STK17A: variants seen among roughly 807,000 people sequenced by gnomAD.
The protein encoded by STK17A is serine/threonine kinase 17a.
In STK17A, 26 loss-of-function variants were observed where a neutral mutation model predicts 43.7. The observed-to-expected ratio is 0.60, with a 90% CI of 0.44 to 0.83. STK17A has a LOEUF of 0.83. Ranked by LOEUF, STK17A falls within the 40% of genes least tolerant of loss-of-function variation. STK17A has a pLI of 0.00. For synonymous variants in STK17A, 191 were observed against 182.5 expected (o/e 1.05, Z -0.38); for missense variants, 476 against 511.6 (o/e 0.93, Z 0.67).
At chr7:43,593,544 T>C (rs1357980604) in intron 1 of STK17A, among the ~76,000 whole-genome samples, 1 of 152,244 alleles carries the variant, frequency 6.6e-6, no homozygotes, top group Non-Finnish European at 1.5e-5. Flanking sequence ...CGCCAACATT[T>C]GTTGTTTTTT....
At chr7:43,599,970 C>T (rs894725158) in intron 2 of STK17A, among the ~76,000 whole-genome samples, 4 of 151,920 alleles carry the variant, frequency 2.6e-5, no homozygotes, top group African/African-American at 4.8e-5. Flanking sequence ...ACCAGCTTGC[C>T]TTCTATATTT....
At chr7:43,583,486 G>T (rs915922996) in intron 1 of STK17A, 37 bp downstream of exon 1, 6 of 1,261,152 alleles carry the variant, frequency 4.8e-6, no homozygotes, top group Non-Finnish European at 6.0e-6. Context: ...AACCTTCCCG[G>T]ACGCGCGGGG....
At chr7:43,584,083 C>A (rs1048771645) in intron 1 of STK17A, among the ~76,000 whole-genome samples, 1 of 152,102 alleles carries the variant, frequency 6.6e-6, no homozygotes, top group Admixed American at 6.5e-5. Flanking sequence ...TTGCTGGGAA[C>A]CGATTCTTGC....
intron 1 of STK17A, among the ~76,000 whole-genome samples, chr7:43,588,931 C>T (rs1281967768): frequency 6.6e-6 from 1 of 151,452 alleles, no homozygotes; most frequent in East Asian, 1.9e-4. Context: ...AAGCTATTCC[C>T]AAATGTAACA....
intron 1 of STK17A, among the ~76,000 whole-genome samples, chr7:43,593,721 T>G (rs547106239): frequency 1.8e-4 from 27 of 152,050 alleles, no homozygotes; most frequent in South Asian, 1.7e-3. Flanking sequence ...ATGAGGTTGT[T>G]TTTTTTTCTC....
Position 43,624,930 on chromosome 7 carries a change from G to GTT in STK17A, c.*88_*89insTT. Reference sequence around the variant, plus strand: ...CTCTGGCCAAATGGTACATGTACTGGAAGTGGATAACCAGTATCACTTACA... The same window carrying GTT: ...CTCTGGCCAAATGGTACATGTACTGGTTAAGTGGATAACCAGTATCACTTACA... On this transcript the variant is annotated 3_prime_UTR_variant, in exon 7 of 7. Transcript: ENST00000319357. 8.5e-7 allele frequency: 1 copy of GTT among 1,179,836 alleles called. No individual in the cohort carries two copies. The highest frequency in any genetic ancestry group is 1.2e-6 in the Non-Finnish European group (1 of 847,312). 73.1% of individuals were successfully genotyped at this position (1,179,836 alleles called of 1,614,324 possible). A position where few individuals can be genotyped will look rare whatever the true frequency, so the allele number is the denominator to read the frequency against.
Position 43,627,016 on chromosome 7 carries a change from C to G in STK17A, c.*2174C>G, listed in dbSNP as rs755184601. ...AATAAAATCTATTAATAACTGCCAG[C>G]TAGCTCTACACTTATCTAAAGCTGT... On this transcript the variant is annotated 3_prime_UTR_variant, in exon 7 of 7. Transcript: ENST00000319357. Among the ~76,000 whole-genome samples, 4 of 152,204 alleles carry G rather than the reference C, an allele frequency of 2.6e-5. No homozygotes were observed. Among genetic ancestry groups the G allele is most frequent in the Admixed American group, 2.6e-4 (4 of 15,280 alleles).
chr7:43,609,073 A>C (rs950712503), intron 3 of STK17A: 3 of 152,268 alleles, frequency 2.0e-5, no homozygotes, highest in Non-Finnish European at 4.4e-5. Context: ...CAAAACAAGG[A>C]AATTTTAGTG....
At chr7:43,615,811 C>T (rs1487596023) in intron 3 of STK17A, among the ~76,000 whole-genome samples, 2 of 152,178 alleles carry the variant, frequency 1.3e-5, no homozygotes, top group Non-Finnish European at 2.9e-5. Flanking sequence ...GGAATGCTTC[C>T]TGCTTACTCC....
intron 2 of STK17A, among the ~76,000 whole-genome samples, chr7:43,600,481 AAAAT>A (rs2082547600): frequency 6.6e-6 from 1 of 152,248 alleles, no homozygotes; most frequent in Non-Finnish European, 1.5e-5. Context: ...TGGTTTAAAA[AAAAT>A]GAACAAGTGA....
chr7:43,589,917 TTTTA>T (rs1363043804), intron 1 of STK17A, among the ~76,000 whole-genome samples: 4 of 145,534 alleles, frequency 2.7e-5, no homozygotes, highest in East Asian at 2.0e-4. Context: ...TTTATTTTAA[TTTTA>T]TTTAATTTTA....
At chr7:43,583,828 G>T (rs1285614209) in intron 1 of STK17A, among the ~76,000 whole-genome samples, 1 of 152,214 alleles carries the variant, frequency 6.6e-6, no homozygotes, top group East Asian at 1.9e-4. Flanking sequence ...AGCCGACTTT[G>T]CATTTTTCCT....
At chr7:43,619,929 A>G (rs1343662945) in intron 4 of STK17A, among the ~76,000 whole-genome samples, 1 of 152,238 alleles carries the variant, frequency 6.6e-6, no homozygotes, top group African/African-American at 2.4e-5. Flanking sequence ...CTATCTCTTC[A>G]CTACAGAGCT....
In STK17A at chr7:43,619,724, G is replaced by A; in HGVS notation, c.691+1G>A. Reference sequence around the variant, plus strand: ...ATTATGGGTACCCCTGAATATGTGGGTAAGTATTCATAAAAGTAGTTTTGT... The same window carrying A: ...ATTATGGGTACCCCTGAATATGTGGATAAGTATTCATAAAAGTAGTTTTGT... On this transcript the variant is annotated splice_donor_variant, in intron 4 of 6. Coordinates refer to ENST00000319357, the MANE Select transcript of STK17A (RefSeq NM_004760.3). LOFTEE classifies it high-confidence loss of function. 2 of 1,613,038 alleles carry A rather than the reference G, an allele frequency of 1.2e-6. No homozygotes were observed. Among genetic ancestry groups the A allele is most frequent in the East Asian group, 2.2e-5 (1 of 44,844 alleles).
chr7:43,616,275 CAGGTTCAT>C (rs2083332987), intron 3 of STK17A, among the ~76,000 whole-genome samples: 1 of 152,158 alleles, frequency 6.6e-6, no homozygotes, highest in South Asian at 2.1e-4. Flanking sequence ...TTGAGCCTGG[CAGGTTCAT>C]CTATTTTCTC....
At chr7:43,615,982 T>TC (rs1452735669) in intron 3 of STK17A, among the ~76,000 whole-genome samples, 1 of 152,178 alleles carries the variant, frequency 6.6e-6, no homozygotes, top group Non-Finnish European at 1.5e-5. Context: ...TGCTTTGAGT[T>TC]CCCCATAGTG....
chr7:43,590,085 A>G (rs1374897147), intron 1 of STK17A, among the ~76,000 whole-genome samples: 1 of 149,822 alleles, frequency 6.7e-6, no homozygotes, highest in African/African-American at 2.4e-5. Context: ...TGCCAGGACC[A>G]CAGGTGCACA....
intron 4 of STK17A, among the ~76,000 whole-genome samples, chr7:43,621,628 G>A (rs923770408): frequency 2.0e-5 from 3 of 151,948 alleles, no homozygotes; most frequent in Non-Finnish European, 2.9e-5. Context: ...CCAGCACAGC[G>A]GGCCAGTTTT....
intron 2 of STK17A, among the ~76,000 whole-genome samples, chr7:43,604,647 A>G (rs1340363836): frequency 6.6e-6 from 1 of 152,168 alleles, no homozygotes; most frequent in African/African-American, 2.4e-5. Context: ...CAATTTGAGT[A>G]TAGTGCCTTG....
Sources: allele counts gnomAD v4.1 joint callset (sites outside exome capture counted in the v4.1 genomes callset), GRCh38; gene constraint gnomAD v4.1.1; transcripts MANE v1.5; gene names NCBI Gene and HGNC (gene_info 2026-07-23, HGNC 2026-07-21).